ABI3BP: variants seen among roughly 807,000 people sequenced by gnomAD.
ABI3BP encodes the protein ABI family member 3 binding protein, also known as target of Nesh-SH3.
ABI3BP carries 216 observed loss-of-function variants against 268.6 expected under a neutral mutation model. The observed-to-expected ratio is 0.80, with a 90% CI of 0.72 to 0.90. The LOEUF is 0.90. Ranked by LOEUF, ABI3BP falls within the 40% of genes least tolerant of loss-of-function variation. ABI3BP has a pLI of 0.00. For synonymous variants in ABI3BP, 730 were observed against 730.0 expected (o/e 1.00, Z 0.00); for missense variants, 2,090 against 2,182.4 (o/e 0.96, Z 0.84).
In ABI3BP at chr3:100,986,598, C is replaced by T. The variant is rs2091833521; in HGVS notation, c.79+6708G>A. 2.6e-5 allele frequency among the ~76,000 whole-genome samples: 4 copies of T among 152,084 alleles called. No individual in the cohort carries two copies. The South Asian group carries it at 6.2e-4, about 24-fold the overall frequency. On this transcript the variant is annotated intron_variant, in intron 1 of 67. Coordinates refer to ENST00000471714, the MANE Select transcript of ABI3BP (RefSeq NM_001375547.2). ...TCTCATGCCTTAACCTTCTGAGTAG[C>T]TGGGATTACAGGTACCTGTCATTAC... is the stretch of plus-strand genomic sequence containing the variant.
At chr3:100,839,506 G>T in intron 24 of ABI3BP, 63 bp downstream of exon 24, 1 of 1,487,614 alleles carries the variant, frequency 6.7e-7, no homozygotes, top group Non-Finnish European at 9.1e-7. Context: ...GCCTGTAATG[G>T]AGAGTGGGGA....
At chr3:100,894,493 C>T (rs927362591) in intron 4 of ABI3BP, among the ~76,000 whole-genome samples, 5 of 152,040 alleles carry the variant, frequency 3.3e-5, no homozygotes, top group East Asian at 1.9e-4. Context: ...AAAACTTACA[C>T]GGCAAGACAG....
chr3:100,753,776 T>A (rs2095466976), intron 65 of ABI3BP, 43 bp downstream of exon 65: 2 of 1,602,026 alleles, frequency 1.2e-6, no homozygotes, highest in Non-Finnish European at 1.7e-6. Context: ...TTGAATAAAT[T>A]TAGAAAAGCA....
intron 54 of ABI3BP, 128 bp from the exon 55 acceptor site, chr3:100,792,896 T>C: frequency 1.4e-6 from 1 of 711,176 alleles, no homozygotes; most frequent in Non-Finnish European, 2.4e-6. Flanking sequence ...ATACACTCAG[T>C]AATCACAATA....
intron 1 of ABI3BP, among the ~76,000 whole-genome samples, chr3:100,951,907 T>C (rs1323645344): frequency 6.6e-6 from 1 of 150,748 alleles, no homozygotes; most frequent in African/African-American, 2.5e-5. Flanking sequence ...GGACAAACCA[T>C]ATGTAGGTTA....
At chr3:100,850,755 A>G in intron 15 of ABI3BP, 21 bp from the exon 16 acceptor site, 1 of 1,592,796 alleles carries the variant, frequency 6.3e-7, no homozygotes, top group East Asian at 2.2e-5. Context: ...AAATGTCAAC[A>G]TTTGTAAAAG....
intron 1 of ABI3BP, among the ~76,000 whole-genome samples, chr3:100,984,819 G>C (rs913772719): frequency 6.6e-6 from 1 of 151,982 alleles, no homozygotes; most frequent in Middle Eastern, 3.2e-3. Flanking sequence ...CTGCACTTTC[G>C]GGGCCTTCCC....
At chr3:100,957,772 T>C (rs1047921829) in intron 1 of ABI3BP, among the ~76,000 whole-genome samples, 35 of 152,226 alleles carry the variant, frequency 2.3e-4, no homozygotes, top group African/African-American at 7.7e-4. Context: ...TGACCCTGGT[T>C]CCGCCTGCTC....
rs2098551169 is a variant in ABI3BP at position 100,834,863 on chromosome 3, T to C, written c.2192-90A>G. ...GGTTCTAGGTTTTCTAAAGTTTTCC[T>C]AAGTCTTGAGAAATTTGTCTCTTTG... On this transcript the variant is annotated intron_variant, in intron 28 of 67. Transcript: ENST00000471714. 5 of 1,240,628 alleles carry C rather than the reference T, an allele frequency of 4.0e-6. No individual in the cohort carries two copies. The Admixed American group carries it at 7.0e-5, about 17-fold the overall frequency. The allele number at this position is 1,240,628 out of a possible 1,614,324, so 76.9% of individuals were successfully genotyped here.
intron 4 of ABI3BP, among the ~76,000 whole-genome samples, chr3:100,890,819 C>T (rs1403516220): frequency 3.9e-5 from 6 of 152,098 alleles, no homozygotes; most frequent in Non-Finnish European, 8.8e-5. Context: ...TTTCTGATGA[C>T]TTCAGAGTCC....
chr3:100,764,145 ACT>A (rs2096136053), intron 63 of ABI3BP, among the ~76,000 whole-genome samples: 1 of 151,732 alleles, frequency 6.6e-6, no homozygotes, highest in Non-Finnish European at 1.5e-5. Context: ...CTATTCTAAC[ACT>A]CTCTTTGCCT....
At position 100,976,354 on chromosome 3, in the gene ABI3BP, G is replaced by T. The variant is rs972552759; in HGVS notation, c.79+16952C>A. On this transcript the variant is annotated intron_variant, in intron 1 of 67. Transcript: ENST00000471714. The stretch of plus-strand genomic sequence containing the variant: ...ACACTTCTGGAAATGCCATAAAATT[G>T]TGCAGAATGGCAGAGAAGGCGCCCT... Among the ~76,000 whole-genome samples, 7 of 152,032 alleles carry T rather than the reference G, an allele frequency of 4.6e-5. 1 individual carries two copies. The highest frequency in any genetic ancestry group is 1.7e-4 in the African/African-American group (7 of 41,396).
At chr3:100,883,649 C>T (rs2040498436) in intron 6 of ABI3BP, among the ~76,000 whole-genome samples, 1 of 152,018 alleles carries the variant, frequency 6.6e-6, no homozygotes, top group Non-Finnish European at 1.5e-5. Flanking sequence ...AATCAGGGTA[C>T]TATAGCAACA....
At chr3:100,771,890 C>T (rs965239296) in intron 61 of ABI3BP, among the ~76,000 whole-genome samples, 3 of 151,816 alleles carry the variant, frequency 2.0e-5, no homozygotes, top group African/African-American at 7.3e-5. Flanking sequence ...ACTTCTAAAC[C>T]CATAGATCCA....
chr3:100,926,499 A>C lies in ABI3BP; in HGVS notation c.80-18T>G, dbSNP rs1404973408. On this transcript the variant is annotated intron_variant, in intron 1 of 67. Coordinates refer to ENST00000471714, the MANE Select transcript of ABI3BP (RefSeq NM_001375547.2). ...CCTTTTACCTAACAATGGGAATGAA[A>C]ACATCGATGGCTGTTACTTCCCCTT... The C allele has an allele frequency of 1.2e-6, 2 of 1,607,024 alleles. No individual in the cohort carries two copies. Among genetic ancestry groups the C allele is most frequent in the Admixed American group, 3.3e-5 (2 of 59,802 alleles).
At chr3:100,774,327 G>C (rs1469684159) in intron 61 of ABI3BP, among the ~76,000 whole-genome samples, 1 of 152,028 alleles carries the variant, frequency 6.6e-6, no homozygotes, top group African/African-American at 2.4e-5. Context: ...GTCACTGTTG[G>C]TTGTTCATCC....
chr3:100,820,431 A>G (rs2098185292), intron 39 of ABI3BP, 128 bp from the exon 40 acceptor site: 1 of 636,672 alleles, frequency 1.6e-6, no homozygotes, highest in African/African-American at 1.8e-5. Flanking sequence ...TGTCTTTTTA[A>G]CTTTTTAATT....
chr3:100,789,765 A>G (rs2097149872), intron 55 of ABI3BP, among the ~76,000 whole-genome samples: 1 of 152,072 alleles, frequency 6.6e-6, no homozygotes, highest in African/African-American at 2.4e-5. Context: ...AGGATTAGTC[A>G]TCATTTTGTC....
At position 100,753,817 on chromosome 3, in the gene ABI3BP, AC is replaced by A; in HGVS notation, c.4960+1del. The A allele has an allele frequency of 6.2e-7, 1 of 1,611,254 alleles. No individual in the cohort carries two copies. The highest frequency in any genetic ancestry group is 8.5e-7 in the Non-Finnish European group (1 of 1,178,886). ...TTGTGCCTCATTGAGACAGGTACTT[AC>A]CAGAAACTGGCTCACTCACTCTTGG... is the stretch of plus-strand genomic sequence containing the variant. On this transcript the variant is annotated splice_donor_variant, in intron 65 of 67. Coordinates refer to ENST00000471714, the MANE Select transcript of ABI3BP (RefSeq NM_001375547.2). LOFTEE classifies it high-confidence loss of function.
Sources: allele counts gnomAD v4.1 joint callset (sites outside exome capture counted in the v4.1 genomes callset), GRCh38; gene constraint gnomAD v4.1.1; transcripts MANE v1.5; gene names NCBI Gene and HGNC (gene_info 2026-07-23, HGNC 2026-07-21).